The following ARFGEF3 variants were observed in gnomAD, a reference collection of about 807,000 sequenced individuals.
ARFGEF3 encodes ARFGEF family member 3.
In ARFGEF3, 96 loss-of-function variants were observed where a neutral mutation model predicts 221.7. The ratio of observed to expected loss-of-function variants is 0.43; its 90% CI spans 0.37 to 0.51. ARFGEF3 has a LOEUF of 0.51. ARFGEF3 is among the 20% of genes least tolerant of loss of function. ARFGEF3 has a pLI of 0.00. For synonymous variants in ARFGEF3, 1,145 were observed against 1,126.8 expected (o/e 1.02, Z -0.32); for missense variants, 2,410 against 2,789.9 (o/e 0.86, Z 3.07).
At chr6:138,259,386 T>C (rs1414586719) in intron 10 of ARFGEF3, among the ~76,000 whole-genome samples, 1 of 152,212 alleles carries the variant, frequency 6.6e-6, no homozygotes, top group Non-Finnish European at 1.5e-5. Context: ...CTGCTTCTGA[T>C]TTCCCCTTAA....
chr6:138,276,520 G>T (rs1421628342), intron 12 of ARFGEF3, among the ~76,000 whole-genome samples: 1 of 151,960 alleles, frequency 6.6e-6, no homozygotes, highest in African/African-American at 2.4e-5. Context: ...AGATAGTGGG[G>T]AGAAAGTCAA....
In ARFGEF3 at chr6:138,182,980, TG is replaced by T. The variant is rs202008832; in HGVS notation, c.137+12269del. On this transcript the variant is annotated intron_variant, in intron 2 of 33. Coordinates refer to ENST00000251691, the MANE Select transcript of ARFGEF3 (RefSeq NM_020340.5). The stretch of plus-strand genomic sequence containing the variant: ...TTTTCCTGAAACTATAACTGCCCCA[TG>T]GTGTGCTTTATTTTATAAATCCTAT... Among the ~76,000 whole-genome samples, 1,378 of 152,282 alleles carry T rather than the reference TG, an allele frequency of 9.0e-3. 13 individuals are homozygous for T. The highest frequency in any genetic ancestry group is 0.015 in the Non-Finnish European group (1,002 of 68,026).
At chr6:138,275,722 T>G (rs571205732) in intron 12 of ARFGEF3, among the ~76,000 whole-genome samples, 136 of 147,808 alleles carry the variant, frequency 9.2e-4, no homozygotes, top group Middle Eastern at 3.5e-3. Context: ...CCAGCCTGGG[T>G]GACAGAACAA....
chr6:138,334,034 G>C lies in ARFGEF3; in HGVS notation c.5188G>C (p.Asp1730His). ...SHQVLLQNLY[D>H]ILLEEFVKGP... ...TCAGGTGTTACTCCAGAACTTATAT[G>C]ACATCTTGTTAGAAGAGTTTGTCAA... The change falls in exon 33 of 34, where the codon GAC becomes CAC. Residue 1730 changes from aspartate (D) to histidine (H), a missense_variant. Asp to His is a moderately conservative substitution (Grantham distance 81, BLOSUM62 -1). Around this residue, in one of 5 missense-constraint regions of ARFGEF3, gnomAD observed 723 missense variants for 991.9 expected, o/e 0.73. Coordinates refer to ENST00000251691, the MANE Select transcript of ARFGEF3 (RefSeq NM_020340.5). The surrounding 1 kb of genome is among the most constrained non-coding windows in gnomAD (Gnocchi z 5.1). 1 of 1,613,918 alleles carries C rather than the reference G, an allele frequency of 6.2e-7. No homozygotes were observed. The highest frequency in any genetic ancestry group is 1.1e-5 in the South Asian group (1 of 91,052).
intron 1 of ARFGEF3, among the ~76,000 whole-genome samples, chr6:138,165,516 G>A (rs1157441784): frequency 5.4e-5 from 8 of 147,700 alleles, no homozygotes. Context: ...CCACATGGGG[G>A]AGAGGGGCAT....
intron 2 of ARFGEF3, among the ~76,000 whole-genome samples, chr6:138,182,685 C>G (rs540669948): frequency 6.6e-6 from 1 of 152,292 alleles, no homozygotes; most frequent in South Asian, 2.1e-4. Flanking sequence ...CTGGGGAAAC[C>G]TGAGTAATTA....
At chr6:138,181,327 T>C (rs1458510056) in intron 2 of ARFGEF3, among the ~76,000 whole-genome samples, 1 of 152,226 alleles carries the variant, frequency 6.6e-6, no homozygotes, top group Non-Finnish European at 1.5e-5. Context: ...ACTCATCCTC[T>C]CTTTATGACC....
At chr6:138,313,739 C>T (rs1779870844) in intron 25 of ARFGEF3, 56 bp from the exon 26 acceptor site, 4 of 1,432,520 alleles carry the variant, frequency 2.8e-6, no homozygotes, top group Non-Finnish European at 9.8e-7. Context: ...CTTTAAAACC[C>T]ACAATGCAGC....
chr6:138,194,841 G>A (rs981863818), intron 2 of ARFGEF3, among the ~76,000 whole-genome samples: 21 of 152,036 alleles, frequency 1.4e-4, no homozygotes, highest in Non-Finnish European at 2.4e-4. Flanking sequence ...GGATAGAGGA[G>A]ATGAAGTTAG....
chr6:138,264,383 A>G (rs1006670009), intron 12 of ARFGEF3, among the ~76,000 whole-genome samples: 6 of 152,218 alleles, frequency 3.9e-5, no homozygotes, highest in African/African-American at 1.2e-4. Context: ...CATAAAATTT[A>G]TGGTGGGAAT....
At chr6:138,326,373 A>G (rs772393542) in intron 31 of ARFGEF3, among the ~76,000 whole-genome samples, 2 of 152,196 alleles carry the variant, frequency 1.3e-5, no homozygotes, top group Non-Finnish European at 2.9e-5. Context: ...GCTTGAGCCC[A>G]GGAGTGCAAG....
At chr6:138,316,082 T>C (rs1182864197) in intron 26 of ARFGEF3, among the ~76,000 whole-genome samples, 1 of 152,172 alleles carries the variant, frequency 6.6e-6, no homozygotes, top group Admixed American at 6.5e-5. Flanking sequence ...TTTTAAACAG[T>C]TGTAAACGGT....
intron 9 of ARFGEF3, among the ~76,000 whole-genome samples, chr6:138,254,781 A>C (rs773970312): frequency 2.0e-5 from 3 of 152,226 alleles, no homozygotes; most frequent in Non-Finnish European, 4.4e-5. Flanking sequence ...CAAACTCCGC[A>C]GAAAAACTGA....
Position 138,291,965 on chromosome 6 carries a change from G to A in ARFGEF3, c.3280G>A (p.Gly1094Ser). Residue 1094 changes from glycine (G) to serine (S), a missense_variant, in exon 19 of 34, where the codon GGT becomes AGT. By Grantham distance (56) the Gly-to-Ser change is moderately conservative. Around this residue, in one of 5 missense-constraint regions of ARFGEF3, gnomAD observed 184 missense variants for 141.8 expected, o/e 1.30. Transcript: ENST00000251691. This position sits in a 1 kb window ranked among gnomAD's most constrained non-coding sequence, Gnocchi z 4.5. Reference sequence around the variant, plus strand: ...GGACCTCGTCCGGGAAGGCAGCCGGGGTCGGGCCTCCGACTTCCGCGGCGG... The same window carrying A: ...GGACCTCGTCCGGGAAGGCAGCCGGAGTCGGGCCTCCGACTTCCGCGGCGG... ...IQDLVREGSR[G>S]RASDFRGGSL... is the part of the protein sequence containing the mutation. 2 of 1,534,014 alleles carry A rather than the reference G, an allele frequency of 1.3e-6. No homozygotes were observed. The highest frequency in any genetic ancestry group is 1.8e-6 in the Non-Finnish European group (2 of 1,142,550).
Position 138,328,080 on chromosome 6 carries a change from G to A in ARFGEF3, c.5061G>A (p.Gln1687=). Residue 1687 remains glutamine, a synonymous_variant, in exon 32 of 34, where the codon CAG becomes CAA. Transcript: ENST00000251691. ...PKTPNNFDHA[Q]SCQLIIELPP... ...CACCAAACAACTTTGACCACGCTCA[G>A]TCCTGCCAGCTCATTATTGAGCTGC... is the stretch of plus-strand genomic sequence containing the variant. The A allele has an allele frequency of 6.4e-7, 1 of 1,570,964 alleles. No individual in the cohort carries two copies. The highest frequency in any genetic ancestry group is 8.6e-7 in the Non-Finnish European group (1 of 1,156,658).
chr6:138,229,960 A>G (rs1778159847), intron 5 of ARFGEF3, 108 bp downstream of exon 5: 4 of 896,816 alleles, frequency 4.5e-6, no homozygotes, highest in East Asian at 2.6e-5. Context: ...TCCTTCTCTG[A>G]TTACTACCGT....
At chr6:138,180,130 G>T (rs2235562) in intron 2 of ARFGEF3, among the ~76,000 whole-genome samples, 34,648 of 152,120 alleles carry the variant, frequency 0.23, 5,455 homozygotes, top group African/African-American at 0.43. Context: ...TGGCTTTAAT[G>T]TGAAGAAAGA....
chr6:138,288,026 C>A (rs979739137), intron 17 of ARFGEF3, among the ~76,000 whole-genome samples: 1 of 150,210 alleles, frequency 6.7e-6, no homozygotes. Flanking sequence ...TCCTTACATT[C>A]ACAGTTCTTT....
intron 6 of ARFGEF3, among the ~76,000 whole-genome samples, chr6:138,240,295 G>A (rs1267606558): frequency 2.0e-5 from 3 of 152,126 alleles, no homozygotes; most frequent in African/African-American, 7.2e-5. Context: ...TTTCATCCAT[G>A]CTAAATGACA....
Sources: allele counts gnomAD v4.1 joint callset (sites outside exome capture counted in the v4.1 genomes callset), GRCh38; gene constraint gnomAD v4.1.1; regional missense constraint gnomAD v4.1.1; non-coding constraint Gnocchi (gnomAD v3.1); transcripts MANE v1.5; gene names NCBI Gene and HGNC (gene_info 2026-07-23, HGNC 2026-07-21).